Variants in THSD4 observed in about 807,000 individuals in gnomAD.
THSD4 encodes thrombospondin type-1 domain-containing protein 4.
In THSD4, 69 loss-of-function variants were observed where a neutral mutation model predicts 119.0. That is an observed-to-expected ratio of 0.58 (90% confidence interval 0.48 to 0.71). The LOEUF is 0.71. Ranked by LOEUF, THSD4 falls within the 30% of genes least tolerant of loss-of-function variation. The pLI is 0.00. For missense variants in THSD4, 1,393 were observed against 1,391.1 expected (o/e 1.00, Z -0.02); for synonymous variants, 524 against 540.4 (o/e 0.97, Z 0.42).
intron 4 of THSD4, among the ~76,000 whole-genome samples, chr15:71,224,124 G>A (rs148153851): frequency 0.01 from 1,528 of 152,290 alleles, 28 homozygotes; most frequent in African/African-American, 0.034. Context: ...CAGAGCCCAA[G>A]AGTGAGGAGG....
chr15:71,709,146 A>G (rs1056684921), intron 8 of THSD4, among the ~76,000 whole-genome samples: 1 of 152,222 alleles, frequency 6.6e-6, no homozygotes, highest in Admixed American at 6.5e-5. Context: ...CACCTGGAAA[A>G]CGGGATTGGA....
intron 8 of THSD4, among the ~76,000 whole-genome samples, chr15:71,726,266 A>C (rs1477392624): frequency 6.6e-6 from 1 of 152,210 alleles, no homozygotes; most frequent in Non-Finnish European, 1.5e-5. Flanking sequence ...TGGAGTCTGC[A>C]GGGGGAGCCC....
At chr15:71,413,986 C>G (rs183600457) in intron 7 of THSD4, among the ~76,000 whole-genome samples, 2 of 152,346 alleles carry the variant, frequency 1.3e-5, no homozygotes, top group Admixed American at 1.3e-4. Context: ...GCAACTGTTT[C>G]ATTTCCTGAA....
At chr15:71,182,956 G>A (rs994442056) in intron 3 of THSD4, 1 of 151,764 alleles carries the variant, frequency 6.6e-6, no homozygotes, top group African/African-American at 2.4e-5. Flanking sequence ...TTATAGCCAT[G>A]TCCATTTATT....
intron 6 of THSD4, among the ~76,000 whole-genome samples, chr15:71,377,885 C>CACACACACACACACACACACACACAA (rs2046165659): frequency 1.2e-5 from 1 of 82,174 alleles, no homozygotes; most frequent in African/African-American, 5.1e-5. Context: ...CACACACACA[C>CACACACACACACACACACACACACAA]ACACACACAC....
chr15:71,583,834 T>G (rs1404444548), intron 7 of THSD4, among the ~76,000 whole-genome samples: 1 of 152,204 alleles, frequency 6.6e-6, no homozygotes, highest in African/African-American at 2.4e-5. Flanking sequence ...ATATGTTCTA[T>G]CCTGGAAAAG....
intron 11 of THSD4, among the ~76,000 whole-genome samples, chr15:71,739,611 A>G (rs1392950216): frequency 2.0e-5 from 3 of 152,184 alleles, no homozygotes; most frequent in African/African-American, 4.8e-5. Context: ...AGATACACCT[A>G]TGAACTGTGT....
chr15:71,371,739 A>C (rs914923377), intron 6 of THSD4, among the ~76,000 whole-genome samples: 2 of 152,152 alleles, frequency 1.3e-5, no homozygotes, highest in African/African-American at 4.8e-5. Flanking sequence ...ACTTTGGTGA[A>C]TCTGACAATT....
At chr15:71,476,531 C>T (rs2047657949) in intron 7 of THSD4, among the ~76,000 whole-genome samples, 1 of 152,204 alleles carries the variant, frequency 6.6e-6, no homozygotes. Context: ...TGTGAGCCAC[C>T]ATGCCTGGCC....
At chr15:71,760,348 A>G (rs977332513) in intron 15 of THSD4, among the ~76,000 whole-genome samples, 1 of 152,242 alleles carries the variant, frequency 6.6e-6, no homozygotes, top group African/African-American at 2.4e-5. Flanking sequence ...AAGTCCATGG[A>G]GAGGCAGAGA....
At position 71,630,100 on chromosome 15, in the gene THSD4, T is replaced by A. The variant is rs150158595; in HGVS notation, c.1153-30430T>A. Among the ~76,000 whole-genome samples the A allele has an allele frequency of 5.9e-3, 902 of 152,324 alleles. 2 individuals are homozygous for A. Among genetic ancestry groups the A allele is most frequent in the Non-Finnish European group, 8.9e-3 (605 of 68,026 alleles). On this transcript the variant is annotated intron_variant, in intron 7 of 17. Transcript: ENST00000261862. The stretch of plus-strand genomic sequence containing the variant: ...GCTCTCAATCATGTTCTTTCTTTTT[T>A]AAAATTTGTTGCTATCTAACTACAC...
At chr15:71,770,276 C>A (rs1595935092) in intron 16 of THSD4, among the ~76,000 whole-genome samples, 1 of 104,732 alleles carries the variant, frequency 9.5e-6, no homozygotes, top group Admixed American at 1.0e-4. Flanking sequence ...AGGACTTTCT[C>A]AAAGAAAATG....
intron 8 of THSD4, among the ~76,000 whole-genome samples, chr15:71,687,911 A>C (rs920679780): frequency 1.3e-5 from 2 of 152,212 alleles, no homozygotes; most frequent in African/African-American, 4.8e-5. Flanking sequence ...TCATTTATTC[A>C]TTCATTCACT....
At chr15:71,458,651 A>G (rs1315905504) in intron 7 of THSD4, among the ~76,000 whole-genome samples, 3 of 152,240 alleles carry the variant, frequency 2.0e-5, no homozygotes, top group Non-Finnish European at 4.4e-5. Flanking sequence ...TACTTCATGA[A>G]TGATAAAGCA....
chr15:71,148,408 C>T (rs1375435584), intron 2 of THSD4, among the ~76,000 whole-genome samples: 1 of 152,234 alleles, frequency 6.6e-6, no homozygotes, highest in Admixed American at 6.5e-5. Context: ...CCACCTTGGG[C>T]TGCACAAATT....
chr15:71,214,160 A>ATAGCTAGAGGATTGTATATGCAC (rs1567159370), intron 3 of THSD4, among the ~76,000 whole-genome samples: 1 of 144,652 alleles, frequency 6.9e-6, no homozygotes, highest in African/African-American at 2.8e-5. Flanking sequence ...AGCACTCTGT[A>ATAGCTAGAGGATTGTATATGCAC]AAATGGACCG....
intron 13 of THSD4, among the ~76,000 whole-genome samples, chr15:71,747,910 A>G (rs1031586159): frequency 1.3e-5 from 2 of 152,200 alleles, no homozygotes; most frequent in African/African-American, 4.8e-5. Context: ...AACTTAGAAC[A>G]TAGTTTATTC....
chr15:71,761,519 G>A (rs1321688772), intron 15 of THSD4, among the ~76,000 whole-genome samples: 6 of 151,890 alleles, frequency 4.0e-5, no homozygotes, highest in East Asian at 1.9e-4. Context: ...TATAATTCAC[G>A]TACCATAAAA....
chr15:71,232,938 G>T (rs1390412246), intron 4 of THSD4, among the ~76,000 whole-genome samples: 3 of 152,168 alleles, frequency 2.0e-5, no homozygotes, highest in Admixed American at 1.3e-4. Flanking sequence ...AGATGGGGAT[G>T]CTCTTAGCCT....
Sources: gnomAD v4.1 joint callset for allele counts (sites outside exome capture counted in the v4.1 genomes callset) on GRCh38, gnomAD v4.1.1 for gene constraint, MANE v1.5 for transcripts, NCBI Gene and HGNC (gene_info 2026-07-23, HGNC 2026-07-21) for gene names.